CNTLN: variants seen among roughly 807,000 people sequenced by gnomAD.
CNTLN encodes centlein.
A neutral mutation model predicts 180.0 loss-of-function variants in CNTLN; 212 were observed. The observed-to-expected ratio is 1.18, with a 90% confidence interval of 1.05 to 1.32. The LOEUF (loss-of-function observed/expected upper bound fraction) is 1.32, where lower values mean the gene tolerates loss of function less well. Ranked by LOEUF, CNTLN falls within the 40% of genes most tolerant of loss-of-function variation. CNTLN has a pLI of 0.00. For missense variants in CNTLN, 2,095 were observed against 1,610.9 expected, an observed-to-expected ratio of 1.30 and a Z score of -5.14; for synonymous variants, 722 against 563.1, an observed-to-expected ratio of 1.28 and a Z score of -3.99.
At chr9:17,267,444 C>T (rs1587416431) in intron 5 of CNTLN, among the ~76,000 whole-genome samples, 2 of 152,018 alleles carry the variant, frequency 1.3e-5, no homozygotes, top group African/African-American at 4.8e-5. Flanking sequence ...GTGGGTAACC[C>T]GACCTTTCTC....
chr9:17,415,910 G>C (rs1564086851), intron 17 of CNTLN, 29 bp downstream of exon 17: 1 of 1,586,094 alleles, frequency 6.3e-7, no homozygotes, highest in Non-Finnish European at 8.6e-7. Context: ...TTAACAATAT[G>C]TCTTTTACAA....
intron 12 of CNTLN, among the ~76,000 whole-genome samples, chr9:17,349,816 T>C (rs1316741260): frequency 6.6e-6 from 1 of 152,206 alleles, no homozygotes; most frequent in Non-Finnish European, 1.5e-5. Context: ...TGTGTTCATT[T>C]ATTCATTCAT....
At chr9:17,291,794 A>T (rs1260058120) in intron 6 of CNTLN, among the ~76,000 whole-genome samples, 32 of 152,174 alleles carry the variant, frequency 2.1e-4, no homozygotes, top group Admixed American at 1.9e-3. Flanking sequence ...CGGGGCATTT[A>T]GCCCATTTAC....
chr9:17,401,360 C>A (rs1309204783), intron 15 of CNTLN, among the ~76,000 whole-genome samples: 2 of 151,842 alleles, frequency 1.3e-5, no homozygotes, highest in African/African-American at 4.8e-5. Context: ...TACATTAAAG[C>A]AAAATCCATA....
intron 5 of CNTLN, among the ~76,000 whole-genome samples, chr9:17,260,635 CT>C (rs1321484769): frequency 6.6e-6 from 1 of 151,218 alleles, no homozygotes; most frequent in Admixed American, 6.6e-5. Flanking sequence ...ACTGTTTACT[CT>C]TTGATAGTTT....
rs925425456 is a variant in CNTLN at position 17,241,238 on chromosome 9, A to T, written c.849+4650A>T. On this transcript the variant is annotated intron_variant, in intron 5 of 25. Transcript: ENST00000380647. ...ATCCATTGTGATTTGAATTTTGTAC[A>T]TGGCAACAGATAGGGGTCTAGTTTC... 2.0e-5 allele frequency among the ~76,000 whole-genome samples: 3 copies of T among 152,164 alleles called. No individual in the cohort carries two copies. In the East Asian group the frequency reaches 5.8e-4, roughly 29 times the overall value.
chr9:17,336,473 G>T (rs1821044170), intron 10 of CNTLN, among the ~76,000 whole-genome samples: 1 of 152,154 alleles, frequency 6.6e-6, no homozygotes, highest in Non-Finnish European at 1.5e-5. Flanking sequence ...TTTAATGCAT[G>T]ATTTACACTT....
chr9:17,148,633 C>G (rs368815353), intron 2 of CNTLN, among the ~76,000 whole-genome samples: 1 of 152,056 alleles, frequency 6.6e-6, no homozygotes, highest in Non-Finnish European at 1.5e-5. Flanking sequence ...AAAACAAGCA[C>G]CAAAATGTGA....
At chr9:17,214,592 A>G (rs1377405413) in intron 2 of CNTLN, among the ~76,000 whole-genome samples, 1 of 152,086 alleles carries the variant, frequency 6.6e-6, no homozygotes, top group African/African-American at 2.4e-5. Flanking sequence ...CTGAATTTGA[A>G]TGTTGGCCTG....
chr9:17,339,362 T>C (rs1421268793), intron 10 of CNTLN, among the ~76,000 whole-genome samples: 1 of 152,220 alleles, frequency 6.6e-6, no homozygotes, highest in Non-Finnish European at 1.5e-5. Flanking sequence ...ACTGTTAACA[T>C]GTGGGAAAAG....
chr9:17,160,489 T>G (rs189085961), intron 2 of CNTLN, among the ~76,000 whole-genome samples: 5 of 152,326 alleles, frequency 3.3e-5, no homozygotes, highest in Non-Finnish European at 7.4e-5. Flanking sequence ...TTGGACTCTT[T>G]GAACAGAAAA....
chr9:17,181,895 A>G (rs1347834174), intron 2 of CNTLN, among the ~76,000 whole-genome samples: 1 of 152,170 alleles, frequency 6.6e-6, no homozygotes, highest in African/African-American at 2.4e-5. Flanking sequence ...CACGGGAGGA[A>G]GGGAGCCTTG....
intron 14 of CNTLN, among the ~76,000 whole-genome samples, chr9:17,392,195 AG>A (rs1159582748): frequency 6.6e-6 from 1 of 152,150 alleles, no homozygotes; most frequent in Non-Finnish European, 1.5e-5. Context: ...TGAGCCCAGG[AG>A]GTCAAGGCTG....
chr9:17,442,459 C>T (rs539880655), intron 18 of CNTLN, among the ~76,000 whole-genome samples: 202 of 152,274 alleles, frequency 1.3e-3, no homozygotes, highest in African/African-American at 4.5e-3. Context: ...AGTGCAGTGG[C>T]ATGATCTCAG....
chr9:17,404,720 A>C (rs1210619718), intron 15 of CNTLN, among the ~76,000 whole-genome samples: 2 of 147,106 alleles, frequency 1.4e-5, no homozygotes, highest in Non-Finnish European at 3.0e-5. Flanking sequence ...TCATCCCTTC[A>C]TCATCCTTCT....
chr9:17,402,842 G>A (rs1827088009), intron 15 of CNTLN, among the ~76,000 whole-genome samples: 1 of 151,574 alleles, frequency 6.6e-6, no homozygotes, highest in Non-Finnish European at 1.5e-5. Flanking sequence ...TAGCCTACTG[G>A]GCCATACTGT....
chr9:17,340,846 T>G lies in CNTLN; in HGVS notation c.1664T>G (p.Leu555Arg), dbSNP rs746137217. ...LQLKSQENDE[L>R]RDAHEKRKER... ...CTACAGAGCCAAGAAAATGATGAGC[T>G]AAGAGATGCCCATGAAAAACGCAAG... is the stretch of plus-strand genomic sequence containing the variant. The change falls in exon 11 of 26, where the codon CTA (leucine) becomes CGA (arginine). Residue 555 changes from leucine to arginine, a missense_variant. Physicochemically the swap from Leu to Arg is moderately radical, Grantham distance 102. Transcript: ENST00000380647. 6.2e-7 allele frequency: 1 copy of G among 1,611,398 alleles called. No individual in the cohort carries two copies. Among genetic ancestry groups the G allele is most frequent in the South Asian group, 1.1e-5 (1 of 90,762 alleles).
chr9:17,350,216 A>T (rs1822247181), intron 12 of CNTLN, among the ~76,000 whole-genome samples: 1 of 152,240 alleles, frequency 6.6e-6, no homozygotes, highest in Non-Finnish European at 1.5e-5. Context: ...AGCAAATTAT[A>T]TATTACACAT....
chr9:17,154,869 C>T (rs1819154838), intron 2 of CNTLN, among the ~76,000 whole-genome samples: 1 of 152,192 alleles, frequency 6.6e-6, no homozygotes. Context: ...CTGCTCAGGT[C>T]CCTTTCCATA....
Sources: gnomAD v4.1 joint callset for allele counts (sites outside exome capture counted in the v4.1 genomes callset) on GRCh38, gnomAD v4.1.1 for gene constraint, MANE v1.5 for transcripts, NCBI Gene and HGNC (gene_info 2026-07-23, HGNC 2026-07-21) for gene names.